Variants in METTL15 observed in about 807,000 individuals in gnomAD.
The protein encoded by METTL15 is methyltransferase 15, mitochondrial 12S rRNA N4-cytidine.
In METTL15, 34 loss-of-function variants were observed where a neutral mutation model predicts 38.3. The ratio of observed to expected loss-of-function variants is 0.89; its 90% CI spans 0.68 to 1.18. The LOEUF is 1.18. Among genes scored for constraint, METTL15 ranks in the 50% most tolerant of loss-of-function variants. The probability of loss-of-function intolerance (pLI) is 0.00; values close to 1 mark genes in which losing one functional copy is unlikely to be tolerated. For synonymous variants in METTL15, 162 were observed against 170.9 expected, an observed-to-expected ratio of 0.95 and a Z score of 0.41; for missense variants, 438 against 498.4, an observed-to-expected ratio of 0.88 and a Z score of 1.15.
intron 3 of METTL15, chr11:28,197,298 G>A (rs1851944542): frequency 5.2e-6 from 1 of 191,744 alleles, no homozygotes; most frequent in Non-Finnish European, 1.1e-5. Context: ...AAATTCAGAA[G>A]CCATAAAATA....
chr11:28,442,245 GGAA>G (rs1851041004), intron 6 of METTL15, among the ~76,000 whole-genome samples: 1 of 152,094 alleles, frequency 6.6e-6, no homozygotes, highest in Non-Finnish European at 1.5e-5. Context: ...TAGTTATTTG[GGAA>G]TTTGCTCTGG....
chr11:28,293,364 G>A (rs991683707), intron 5 of METTL15, among the ~76,000 whole-genome samples: 5 of 152,124 alleles, frequency 3.3e-5, no homozygotes, highest in Non-Finnish European at 7.4e-5. Flanking sequence ...TCAGATAGTT[G>A]TAGATATGCG....
intron 3 of METTL15, among the ~76,000 whole-genome samples, chr11:28,185,226 G>C (rs1431291504): frequency 6.6e-6 from 1 of 151,114 alleles, no homozygotes; most frequent in Non-Finnish European, 1.5e-5. Context: ...ATTGTTTTCT[G>C]GATTAAATTG....
At chr11:28,162,786 A>G (rs1465116976) in intron 3 of METTL15, among the ~76,000 whole-genome samples, 2 of 152,148 alleles carry the variant, frequency 1.3e-5, no homozygotes, top group Non-Finnish European at 2.9e-5. Flanking sequence ...AGTACTGATT[A>G]TCATGTAATT....
intron 6 of METTL15, among the ~76,000 whole-genome samples, chr11:28,329,729 A>T (rs982698217): frequency 6.6e-6 from 1 of 152,130 alleles, no homozygotes; most frequent in African/African-American, 2.4e-5. Flanking sequence ...AGCTAAAAGT[A>T]TTTCCTTTCA....
Position 28,211,064 on chromosome 11 carries a change from T to A in METTL15, c.273T>A (p.Ile91=). 6.2e-7 allele frequency: 1 copy of A among 1,602,080 alleles called. No homozygotes were observed. Residue 91 remains isoleucine (I), a splice_region_variant and synonymous_variant, in exon 4 of 7, where the codon ATT becomes ATA. Transcript: ENST00000407364. The stretch of plus-strand genomic sequence containing the variant: ...TTTTCTTTTTCTGTGTTTGCTAGAT[T>A]TTTCTAGATATGACATTTGGTTCGG... ...VHCLSPQKGQ[I]FLDMTFGSGG...
intron 3 of METTL15, among the ~76,000 whole-genome samples, chr11:28,132,471 G>T (rs529601150): frequency 3.1e-4 from 47 of 151,488 alleles, no homozygotes; most frequent in Non-Finnish European, 5.5e-4. Flanking sequence ...TACTTATTCT[G>T]TGTTTTAAAC....
chr11:28,389,802 G>A (rs11030318), intron 5 of METTL15, among the ~76,000 whole-genome samples: 138,608 of 148,072 alleles, frequency 0.94, 65,098 homozygotes, highest in East Asian at 1. Context: ...CTGAGGAATC[G>A]CCACACTGTC....
At chr11:28,505,382 A>G (rs1366580603) in intron 6 of METTL15, among the ~76,000 whole-genome samples, 4 of 152,190 alleles carry the variant, frequency 2.6e-5, no homozygotes, top group Non-Finnish European at 5.9e-5. Flanking sequence ...ATTTACTGAC[A>G]CGGATGTGTA....
At chr11:28,246,219 T>A (rs1854503731) in intron 4 of METTL15, among the ~76,000 whole-genome samples, 2 of 152,114 alleles carry the variant, frequency 1.3e-5, no homozygotes, top group Admixed American at 6.6e-5. Flanking sequence ...AGAAAATATA[T>A]TTAAGGAAAT....
At chr11:28,402,147 A>G (rs1850636081) in intron 5 of METTL15, among the ~76,000 whole-genome samples, 1 of 151,962 alleles carries the variant, frequency 6.6e-6, no homozygotes, top group Non-Finnish European at 1.5e-5. Flanking sequence ...GAATGTCACC[A>G]TTATACAATA....
intron 4 of METTL15, among the ~76,000 whole-genome samples, chr11:28,244,592 C>T (rs1050881282): frequency 2.0e-5 from 3 of 152,126 alleles, no homozygotes; most frequent in Non-Finnish European, 4.4e-5. Flanking sequence ...TTAAAAACTC[C>T]TACAGGTTAT....
At chr11:28,236,718 A>G (rs947625967) in intron 4 of METTL15, among the ~76,000 whole-genome samples, 2 of 152,148 alleles carry the variant, frequency 1.3e-5, no homozygotes, top group Admixed American at 6.5e-5. Context: ...ACATTTTGGC[A>G]TGATTTTGTA....
At position 28,224,206 on chromosome 11, in the gene METTL15, CT is replaced by C. The variant is rs548021743; in HGVS notation, c.407+13011del. Among the ~76,000 whole-genome samples, 20 of 151,948 alleles carry C rather than the reference CT, an allele frequency of 1.3e-4. 2 individuals carry two copies. In the South Asian group the frequency reaches 4.2e-3, roughly 32 times the overall value. On this transcript the variant is annotated intron_variant, in intron 4 of 6. Coordinates refer to ENST00000407364, the MANE Select transcript of METTL15 (RefSeq NM_001113528.2). ...TTGTCAGTGTTTCATTATGTATACT[CT>C]TTCCTGTTTGAATTTTTTTTTGGAC...
chr11:28,180,397 A>G (rs1047862484), intron 3 of METTL15, among the ~76,000 whole-genome samples: 2 of 151,880 alleles, frequency 1.3e-5, no homozygotes, highest in African/African-American at 4.8e-5. Flanking sequence ...TGTCTAAAAT[A>G]TAGTCTGTTT....
chr11:28,521,218 A>C (rs1019055165), intron 6 of METTL15, among the ~76,000 whole-genome samples: 1 of 152,188 alleles, frequency 6.6e-6, no homozygotes, highest in Non-Finnish European at 1.5e-5. Context: ...CATTCTAATC[A>C]GCCCTTATTT....
In METTL15 at chr11:28,395,158, G is replaced by A. The variant is rs192013857; in HGVS notation, c.*359-29141G>A. On this transcript the variant is annotated intron_variant and NMD_transcript_variant, in intron 5 of 7. Coordinates refer to the METTL15 transcript ENST00000532947. ...CCCACAATTCCCTTTTGCTTCAGAAGGGACATGATTCTGCTTTCAGAATTT... is the reference window on the plus strand; with the variant it reads ...CCCACAATTCCCTTTTGCTTCAGAAAGGACATGATTCTGCTTTCAGAATTT... 3.3e-3 allele frequency among the ~76,000 whole-genome samples: 504 copies of A among 152,134 alleles called. 1 individual carries two copies. The highest frequency in any genetic ancestry group is 4.8e-3 in the Non-Finnish European group (326 of 67,990).
chr11:28,207,723 T>G (rs1327477854), intron 3 of METTL15, among the ~76,000 whole-genome samples: 1 of 152,184 alleles, frequency 6.6e-6, no homozygotes, highest in African/African-American at 2.4e-5. Context: ...AATTTGGCTG[T>G]GAATCCATCT....
At chr11:28,301,864 G>C (rs980517153) in intron 6 of METTL15, among the ~76,000 whole-genome samples, 1 of 152,036 alleles carries the variant, frequency 6.6e-6, no homozygotes, top group Non-Finnish European at 1.5e-5. Flanking sequence ...CCTAATGTTT[G>C]ACACCTGAAA....
Sources: allele counts gnomAD v4.1 joint callset (sites outside exome capture counted in the v4.1 genomes callset), GRCh38; gene constraint gnomAD v4.1.1; transcripts MANE v1.5; gene names NCBI Gene and HGNC (gene_info 2026-07-23, HGNC 2026-07-21).